Variants in TMPO observed in about 807,000 individuals in gnomAD.
TMPO encodes LEM domain containing 4.
A neutral mutation model predicts 45.4 loss-of-function variants in TMPO; 22 were observed. The observed-to-expected ratio is 0.48, with a 90% CI of 0.35 to 0.69. TMPO has a LOEUF of 0.69. Among genes scored for constraint, TMPO ranks in the 30% least tolerant of loss-of-function variants. The probability of loss-of-function intolerance (pLI) is 0.01; values close to 1 mark genes in which losing one functional copy is unlikely to be tolerated. For missense variants in TMPO, 512 were observed against 548.8 expected (o/e 0.93, Z 0.67); for synonymous variants, 241 against 204.1 (o/e 1.18, Z -1.54).
At position 98,516,163 on chromosome 12, in the gene TMPO, G is replaced by C. The variant is rs761081417; in HGVS notation, c.279+17G>C. 1.5e-6 allele frequency: 2 copies of C among 1,364,882 alleles called. No homozygotes were observed. Among genetic ancestry groups the C allele is most frequent in the Non-Finnish European group, 9.4e-7 (1 of 1,065,562 alleles). The allele number at this position is 1,364,882 out of a possible 1,614,324, so 84.5% of individuals were successfully genotyped here. ...GTCGGCAGGGTAAGGACGCGGGGCC[G>C]GGGCTACAAAGGCGGGCGTTTGGCG... On this transcript the variant is annotated intron_variant, in intron 1 of 8. Coordinates refer to ENST00000556029, the MANE Select transcript of TMPO (RefSeq NM_001032283.3).
At chr12:98,526,428 C>G (rs1288483865) in intron 1 of TMPO, among the ~76,000 whole-genome samples, 1 of 152,202 alleles carries the variant, frequency 6.6e-6, no homozygotes, top group Non-Finnish European at 1.5e-5. Context: ...CTCCCTTATA[C>G]TTCAGATCAT....
At chr12:98,535,722 C>G in intron 3 of TMPO, 1 of 911,762 alleles carries the variant, frequency 1.1e-6, no homozygotes, top group Non-Finnish European at 1.3e-6. Context: ...CACCCCTTTT[C>G]CATTTCATCA....
chr12:98,546,204 TGGATAC>T lies in TMPO; in HGVS notation c.991-154_991-149del, dbSNP rs538891436. ...ATTTGAAGAGAGCCTTGGAAGCATG[TGGATAC>T]CTAAATAATAATTTAGAAATGGCAG... On this transcript the variant is annotated intron_variant, in intron 7 of 8. Coordinates refer to ENST00000556029, the MANE Select transcript of TMPO (RefSeq NM_001032283.3). Among the ~76,000 whole-genome samples, 317 of 152,324 alleles carry T rather than the reference TGGATAC, an allele frequency of 2.1e-3. 1 individual carries two copies. The highest frequency in any genetic ancestry group is 7.2e-3 in the African/African-American group (298 of 41,568).
At position 98,521,100 on chromosome 12, in the gene TMPO, A is replaced by ATTTTTTTTTTTTTTTTTTTTTTTT. The variant is rs398044704; in HGVS notation, c.279+4956_279+4979dup. Among the ~76,000 whole-genome samples the ATTTTTTTTTTTTTTTTTTTTTTTT allele has an allele frequency of 2.1e-4, 16 of 76,772 alleles. 1 individual carries two copies. The highest frequency in any genetic ancestry group is 4.5e-4 in the African/African-American group (8 of 17,808). 50.4% of individuals were successfully genotyped at this position (76,772 alleles called of 152,430 possible). On this transcript the variant is annotated intron_variant, in intron 1 of 8. Transcript: ENST00000556029. ...CTATTTAATCATGGGTTTATGAGGA[A>ATTTTTTTTTTTTTTTTTTTTTTTT]TTTTTTTTTTTTTTTTTTTTTTTTT...
chr12:98,527,916 C>G lies in TMPO; in HGVS notation c.310C>G (p.Gln104Glu), dbSNP rs1876902619. Residue 104 changes from glutamine to glutamate, a missense_variant, in exon 2 of 9, where the codon CAA (glutamine) becomes GAA (glutamate). Gln to Glu is a conservative substitution (Grantham distance 29). Around this residue, in one of 3 missense-constraint regions of TMPO, gnomAD observed 299 missense variants for 296.7 expected, o/e 1.01. Transcript: ENST00000556029. ...KATKKTDKPR[Q>E]EDKDDLDVTE... ...CACAAAAAAAACTGATAAACCCAGACAAGAAGATAAAGATGATCTAGATGT... is the reference window on the plus strand; with the variant it reads ...CACAAAAAAAACTGATAAACCCAGAGAAGAAGATAAAGATGATCTAGATGT... The G allele has an allele frequency of 1.9e-6, 3 of 1,613,780 alleles. No individual in the cohort carries two copies. Among genetic ancestry groups the G allele is most frequent in the Non-Finnish European group, 1.7e-6 (2 of 1,179,850 alleles).
Position 98,546,480 on chromosome 12 carries a change from A to T in TMPO, c.1079+33A>T, listed in dbSNP as rs749549803. 3.7e-6 allele frequency: 5 copies of T among 1,343,316 alleles called. No homozygotes were observed. The South Asian group carries it at 5.8e-5, about 16-fold the overall frequency. The allele number at this position is 1,343,316 out of a possible 1,614,324, so 83.2% of individuals were successfully genotyped here. A position where few individuals can be genotyped will look rare whatever the true frequency, so the allele number is the denominator to read the frequency against. ...GATACATTTAAACAAGTACTAGTGT[A>T]TTCTAGTAGGGAATCTTTATTTTTA... is the stretch of plus-strand genomic sequence containing the variant. On this transcript the variant is annotated intron_variant, in intron 8 of 8. Coordinates refer to ENST00000556029, the MANE Select transcript of TMPO (RefSeq NM_001032283.3).
At chr12:98,516,682 G>T (rs1875858770) in intron 1 of TMPO, among the ~76,000 whole-genome samples, 2 of 152,132 alleles carry the variant, frequency 1.3e-5, no homozygotes, top group African/African-American at 4.8e-5. Context: ...TTTTTGAACC[G>T]TTTATGTTTT....
chr12:98,525,888 G>T (rs1057510660), intron 1 of TMPO, among the ~76,000 whole-genome samples: 2 of 152,000 alleles, frequency 1.3e-5, no homozygotes, highest in African/African-American at 4.8e-5. Context: ...CATACAACTT[G>T]ATAATTTTAG....
At chr12:98,521,100 A>ATTTTTTTTTTTTCTTT (rs1876324639) in intron 1 of TMPO, among the ~76,000 whole-genome samples, 1 of 76,756 alleles carries the variant, frequency 1.3e-5, no homozygotes, top group Non-Finnish European at 2.4e-5. Context: ...TTTATGAGGA[A>ATTTTTTTTTTTTCTTT]TTTTTTTTTT....
chr12:98,531,465 C>T (rs1181270736), intron 2 of TMPO, among the ~76,000 whole-genome samples: 2 of 151,644 alleles, frequency 1.3e-5, no homozygotes, highest in African/African-American at 4.8e-5. Context: ...GAACTCCTGA[C>T]CTCAAGTAAT....
At chr12:98,518,687 G>C (rs1460473008) in intron 1 of TMPO, among the ~76,000 whole-genome samples, 1 of 151,632 alleles carries the variant, frequency 6.6e-6, no homozygotes, top group Non-Finnish European at 1.5e-5. Flanking sequence ...GTGTTCTTTT[G>C]GGGGGTAAGA....
rs376074187 is a variant in TMPO at position 98,533,155 on chromosome 12, C to T, written c.565+1317C>T. On this transcript the variant is annotated intron_variant, in intron 3 of 8. Coordinates refer to ENST00000556029, the MANE Select transcript of TMPO (RefSeq NM_001032283.3). Reference sequence around the variant, plus strand: ...TTCTTCGTCATCTTCTCAGCCTGAACACAGTGCCATGTTGGTCTCTACTGC... The same window carrying T: ...TTCTTCGTCATCTTCTCAGCCTGAATACAGTGCCATGTTGGTCTCTACTGC... 9.3e-6 allele frequency: 15 copies of T among 1,614,026 alleles called. No individual in the cohort carries two copies. In the African/African-American group the frequency reaches 2.0e-4, roughly 22 times the overall value.
At chr12:98,516,179 G>A (rs1173225819) in intron 1 of TMPO, 33 bp downstream of exon 1, 1 of 1,328,410 alleles carries the variant, frequency 7.5e-7, no homozygotes, top group Non-Finnish European at 9.6e-7. Flanking sequence ...ACAAAGGCGG[G>A]CGTTTGGCGG....
In TMPO at chr12:98,533,860, A is replaced by G. The variant is rs1043570394; in HGVS notation, c.565+2022A>G. ...GGCAACACAGATATTATCAGTTCCA[A>G]AAGTAGATGATGAAATCCTAGGGTT... On this transcript the variant is annotated intron_variant, in intron 3 of 8. Coordinates refer to ENST00000556029, the MANE Select transcript of TMPO (RefSeq NM_001032283.3). 1.4e-5 allele frequency: 23 copies of G among 1,614,244 alleles called. No homozygotes were observed. The highest frequency in any genetic ancestry group is 1.2e-4 in the African/African-American group (9 of 75,072).
At chr12:98,535,103 A>C in intron 3 of TMPO, 1 of 976,074 alleles carries the variant, frequency 1.0e-6, no homozygotes, top group Non-Finnish European at 1.2e-6. Context: ...AGTACCATGG[A>C]CCACACTTTG....
intron 8 of TMPO, among the ~76,000 whole-genome samples, chr12:98,546,660 A>G (rs1878245471): frequency 6.6e-6 from 1 of 152,108 alleles, no homozygotes; most frequent in Non-Finnish European, 1.5e-5. Context: ...TGGGCAACAT[A>G]ATGAGACTCT....
intron 7 of TMPO, 75 bp downstream of exon 7, chr12:98,545,136 T>G (rs1356488586): frequency 6.1e-5 from 73 of 1,197,644 alleles, no homozygotes; most frequent in Admixed American, 5.0e-4. Flanking sequence ...TTTGTTTTTT[T>G]TTTTTTTTTT....
At chr12:98,545,988 C>T (rs1483402866) in intron 7 of TMPO, among the ~76,000 whole-genome samples, 3 of 152,246 alleles carry the variant, frequency 2.0e-5, no homozygotes, top group Non-Finnish European at 4.4e-5. Context: ...CCGCCTCAGC[C>T]TCCCAAAGTG....
chr12:98,524,581 A>AG (rs1876619552), intron 1 of TMPO, among the ~76,000 whole-genome samples: 1 of 144,182 alleles, frequency 6.9e-6, no homozygotes, highest in African/African-American at 2.5e-5. Context: ...ACCTTGAAAA[A>AG]GAAAAAAAAA....
Sources: gnomAD v4.1 joint callset for allele counts (sites outside exome capture counted in the v4.1 genomes callset) on GRCh38, gnomAD v4.1.1 for gene constraint, gnomAD v4.1.1 regional missense constraint, MANE v1.5 for transcripts, NCBI Gene and HGNC (gene_info 2026-07-23, HGNC 2026-07-21) for gene names.